The following GABRB2 variants were observed in gnomAD, a reference collection of about 807,000 sequenced individuals.
The protein encoded by GABRB2 is gamma-aminobutyric acid type A receptor subunit beta2.
A neutral mutation model predicts 54.7 loss-of-function variants in GABRB2; 16 were observed. That is an observed-to-expected ratio of 0.29 (90% CI 0.20 to 0.44). The LOEUF is 0.44. Ranked by LOEUF, GABRB2 falls within the 20% of genes least tolerant of loss-of-function variation. GABRB2 has a pLI of 1.00. For missense variants in GABRB2, 355 were observed against 644.0 expected, an observed-to-expected ratio of 0.55 and a Z score of 4.86; for synonymous variants, 244 against 233.8, an observed-to-expected ratio of 1.04 and a Z score of -0.40.
chr5:161,314,415 A>AT (rs1757964615), intron 9 of GABRB2, among the ~76,000 whole-genome samples: 1 of 152,100 alleles, frequency 6.6e-6, no homozygotes, highest in East Asian at 1.9e-4. Flanking sequence ...AGATTTCAGG[A>AT]TTATGTCAGG....
At chr5:161,422,291 T>A (rs1756875802) in intron 4 of GABRB2, among the ~76,000 whole-genome samples, 3 of 152,224 alleles carry the variant, frequency 2.0e-5, no homozygotes, top group South Asian at 2.1e-4. Flanking sequence ...TATGTATATA[T>A]AGCTAATATA....
intron 4 of GABRB2, among the ~76,000 whole-genome samples, chr5:161,426,258 A>C (rs145731953): frequency 3.3e-4 from 50 of 152,236 alleles, no homozygotes; most frequent in African/African-American, 9.6e-4. Flanking sequence ...TTTATTCAGA[A>C]CTGAGTGGAA....
intron 4 of GABRB2, among the ~76,000 whole-genome samples, chr5:161,444,449 A>G (rs191166905): frequency 5.7e-4 from 87 of 152,332 alleles, no homozygotes; most frequent in Admixed American, 2.0e-3. Flanking sequence ...GGAGGCTAAT[A>G]TGGGTCACTT....
At chr5:161,355,882 C>T (rs1291847259) in intron 5 of GABRB2, among the ~76,000 whole-genome samples, 1 of 152,070 alleles carries the variant, frequency 6.6e-6, no homozygotes, top group Non-Finnish European at 1.5e-5. Flanking sequence ...GTTTATTATT[C>T]ATGCAAAAGA....
intron 3 of GABRB2, among the ~76,000 whole-genome samples, chr5:161,470,740 T>C (rs1206055706): frequency 1.3e-5 from 2 of 151,974 alleles, no homozygotes; most frequent in Admixed American, 1.3e-4. Context: ...TTTATTTCTA[T>C]AATTTTCCAT....
At chr5:161,302,336 G>A (rs1397907) in intron 9 of GABRB2, among the ~76,000 whole-genome samples, 3 of 152,192 alleles carry the variant, frequency 2.0e-5, no homozygotes, top group Non-Finnish European at 4.4e-5. Context: ...AAACCCTGAA[G>A]AGGGGACCTT....
At position 161,441,827 on chromosome 5, in the gene GABRB2, G is replaced by A. The variant is rs1021652410; in HGVS notation, c.458+17797C>T. Among the ~76,000 whole-genome samples the A allele has an allele frequency of 4.6e-5, 7 of 152,254 alleles. No homozygotes were observed. In the South Asian group the frequency reaches 1.2e-3, roughly 27 times the overall value. ...CATGAATGGAACTGGAGATCATTAT[G>A]TTAAGTGAATTAAGCCATGCAGAGA... is the stretch of plus-strand genomic sequence containing the variant. On this transcript the variant is annotated intron_variant, in intron 4 of 9. Coordinates refer to ENST00000393959, the MANE Select transcript of GABRB2 (RefSeq NM_001371727.1).
intron 3 of GABRB2, among the ~76,000 whole-genome samples, chr5:161,495,629 G>A (rs1025934609): frequency 6.6e-6 from 1 of 151,974 alleles, no homozygotes; most frequent in Non-Finnish European, 1.5e-5. Flanking sequence ...GGCATTCAAG[G>A]CTCAATAATT....
chr5:161,372,652 A>C (rs571482482), intron 5 of GABRB2, among the ~76,000 whole-genome samples: 24 of 152,312 alleles, frequency 1.6e-4, no homozygotes, highest in Admixed American at 1.4e-3. Flanking sequence ...ATTAACAATA[A>C]TAAAAGCAGT....
Position 161,330,889 on chromosome 5 carries a change from G to C in GABRB2, c.1071C>G (p.Val357=). Reference sequence around the variant, plus strand: ...GCTTGCCCTCTGAATTTACCTTGTTGACATCCAGGCGCATCTTCTCATTGT... The same window carrying C: ...GCTTGCCCTCTGAATTTACCTTGTTCACATCCAGGCGCATCTTCTCATTGT... The part of the protein sequence containing the change: ...SANNEKMRLD[V]NKIFYKDIKQ... The change falls in exon 8 of 10, where the codon GTC becomes GTG. Residue 357 remains valine, a synonymous_variant. Coordinates refer to ENST00000393959, the MANE Select transcript of GABRB2 (RefSeq NM_001371727.1). 6.2e-7 allele frequency: 1 copy of C among 1,614,194 alleles called. No individual in the cohort carries two copies. The highest frequency in any genetic ancestry group is 8.5e-7 in the Non-Finnish European group (1 of 1,180,042).
At chr5:161,522,527 C>G (rs1328874950) in intron 3 of GABRB2, among the ~76,000 whole-genome samples, 1 of 151,666 alleles carries the variant, frequency 6.6e-6, no homozygotes, top group Non-Finnish European at 1.5e-5. Context: ...ATAAGCAATG[C>G]TTGTTTTTTT....
chr5:161,289,232 CTTTTTTT>C lies in GABRB2; in HGVS notation c.*4842_*4848del, dbSNP rs56372028. ...ACCTAGTAGCTTTTTAAGAGTGCTG[CTTTTTTT>C]TTTTTTTTTTGTACAGATTTCTTTA... On this transcript the variant is annotated 3_prime_UTR_variant, in exon 10 of 10. Transcript: ENST00000393959. The C allele has an allele frequency of 3.3e-5, 3 of 90,494 alleles. No homozygotes were observed. Among genetic ancestry groups the C allele is most frequent in the Non-Finnish European group, 5.7e-5 (3 of 52,736 alleles). The allele number at this position is 90,494 out of a possible 1,614,324, so 5.6% of individuals were successfully genotyped here. A position where few individuals can be genotyped will look rare whatever the true frequency, so the allele number is the denominator to read the frequency against.
At chr5:161,373,505 A>G (rs1207386198) in intron 5 of GABRB2, among the ~76,000 whole-genome samples, 1 of 152,264 alleles carries the variant, frequency 6.6e-6, no homozygotes, top group East Asian at 1.9e-4. Context: ...TCCACTGATC[A>G]AACCCATTTT....
At chr5:161,506,917 T>C (rs1401283202) in intron 3 of GABRB2, among the ~76,000 whole-genome samples, 3 of 152,166 alleles carry the variant, frequency 2.0e-5, no homozygotes, top group African/African-American at 7.2e-5. Flanking sequence ...CTCAAATCCC[T>C]ACATAGAAAT....
intron 9 of GABRB2, among the ~76,000 whole-genome samples, chr5:161,320,500 TTA>T (rs1317705876): frequency 6.6e-6 from 1 of 151,832 alleles, no homozygotes; most frequent in East Asian, 1.9e-4. Context: ...TTGATTTAAA[TTA>T]TATGATTCAT....
At chr5:161,363,734 GC>G (rs1008695536) in intron 5 of GABRB2, among the ~76,000 whole-genome samples, 1 of 152,080 alleles carries the variant, frequency 6.6e-6, no homozygotes. Flanking sequence ...GGGTTAGAAA[GC>G]AATCATTCTT....
Position 161,294,130 on chromosome 5 carries a change from A to T in GABRB2, c.1490T>A (p.Val497Glu). The T allele has an allele frequency of 6.2e-7, 1 of 1,614,040 alleles. No homozygotes were observed. The highest frequency in any genetic ancestry group is 8.5e-7 in the Non-Finnish European group (1 of 1,179,910). The change falls in exon 10 of 10, where the codon GTG becomes GAG. Residue 497 changes from valine to glutamate, a missense_variant. Transcript: ENST00000393959. The part of the protein sequence containing the change: ...IDRWSRIFFP[V>E]VFSFFNIVYW... ...GACGATGTTGAAGAAGGAAAAAACC[A>T]CTGGGAAGAATATGCGGGACCACCG...
chr5:161,302,753 G>A (rs569078596), intron 9 of GABRB2, among the ~76,000 whole-genome samples: 14 of 152,214 alleles, frequency 9.2e-5, no homozygotes, highest in African/African-American at 1.4e-4. Flanking sequence ...TATCCAAAGC[G>A]CTCTTTCCAA....
intron 3 of GABRB2, among the ~76,000 whole-genome samples, chr5:161,473,426 C>T (rs1045982905): frequency 6.6e-6 from 1 of 151,936 alleles, no homozygotes; most frequent in African/African-American, 2.4e-5. Context: ...TTAAAGACAA[C>T]ATTGTACTTA....
Sources: gnomAD v4.1 joint callset for allele counts (sites outside exome capture counted in the v4.1 genomes callset) on GRCh38, gnomAD v4.1.1 for gene constraint, MANE v1.5 for transcripts, NCBI Gene and HGNC (gene_info 2026-07-23, HGNC 2026-07-21) for gene names.